Variants in GPC6 observed in about 807,000 individuals in gnomAD.
GPC6 encodes glypican-6.
Under a neutral mutation model 55.2 loss-of-function variants are expected in GPC6, and 14 were observed. The observed-to-expected ratio is 0.25, with a 90% CI of 0.17 to 0.40. The LOEUF is 0.40. GPC6 is among the 10% of genes least tolerant of loss of function. The pLI is 1.00. For missense variants in GPC6, 641 were observed against 708.5 expected (o/e 0.90, Z 1.08); for synonymous variants, 278 against 259.6 (o/e 1.07, Z -0.68).
intron 1 of GPC6, among the ~76,000 whole-genome samples, chr13:93,440,449 A>G (rs1236587965): frequency 1.3e-5 from 2 of 152,124 alleles, no homozygotes; most frequent in African/African-American, 4.8e-5. Context: ...TTCTTGCAGG[A>G]AAAGCTGAAC....
At chr13:93,441,608 G>A (rs1877806617) in intron 1 of GPC6, among the ~76,000 whole-genome samples, 1 of 152,000 alleles carries the variant, frequency 6.6e-6, no homozygotes, top group Non-Finnish European at 1.5e-5. Context: ...TTGTCAGATG[G>A]GTAGATTGTA....
chr13:93,650,382 G>C (rs1013528012), intron 2 of GPC6, among the ~76,000 whole-genome samples: 2 of 151,924 alleles, frequency 1.3e-5, no homozygotes, highest in Non-Finnish European at 2.9e-5. Context: ...CACAATGCTA[G>C]TCAATTAGGC....
At chr13:94,137,938 A>C (rs1887244051) in intron 4 of GPC6, among the ~76,000 whole-genome samples, 1 of 152,230 alleles carries the variant, frequency 6.6e-6, no homozygotes, top group Admixed American at 6.5e-5. Flanking sequence ...ATAATGATGC[A>C]GTTGGTCCCT....
chr13:94,271,957 T>A (rs144590787), intron 4 of GPC6, among the ~76,000 whole-genome samples: 2 of 152,238 alleles, frequency 1.3e-5, no homozygotes, highest in South Asian at 2.1e-4. Flanking sequence ...TTCATTTTTT[T>A]AAAACAATCC....
chr13:93,435,370 C>A (rs1877532191), intron 1 of GPC6, among the ~76,000 whole-genome samples: 1 of 152,080 alleles, frequency 6.6e-6, no homozygotes, highest in African/African-American at 2.4e-5. Context: ...CCCACCTTAG[C>A]CTCCCAAGGC....
intron 2 of GPC6, among the ~76,000 whole-genome samples, chr13:93,628,486 G>T (rs945846596): frequency 2.0e-5 from 3 of 152,228 alleles, no homozygotes; most frequent in African/African-American, 7.2e-5. Context: ...TTCACTTGTA[G>T]CTGTGTAAGT....
chr13:93,970,808 G>A (rs748358068), intron 3 of GPC6, among the ~76,000 whole-genome samples: 1 of 152,192 alleles, frequency 6.6e-6, no homozygotes, highest in Admixed American at 6.6e-5. Flanking sequence ...TCAAGTTACA[G>A]AGTTTAGCCT....
At chr13:93,669,395 C>T (rs1881270193) in intron 2 of GPC6, among the ~76,000 whole-genome samples, 1 of 152,176 alleles carries the variant, frequency 6.6e-6, no homozygotes, top group Non-Finnish European at 1.5e-5. Context: ...GTAGCAGCTT[C>T]CCTAAGTTCA....
At chr13:94,128,031 G>A (rs1886881847) in intron 4 of GPC6, among the ~76,000 whole-genome samples, 1 of 152,110 alleles carries the variant, frequency 6.6e-6, no homozygotes, top group South Asian at 2.1e-4. Flanking sequence ...CCCCTACAGG[G>A]AATAGTAATC....
intron 3 of GPC6, among the ~76,000 whole-genome samples, chr13:93,833,599 A>G (rs970764495): frequency 7.9e-5 from 12 of 151,810 alleles, no homozygotes; most frequent in African/African-American, 2.4e-4. Flanking sequence ...GTTTCTCTCT[A>G]CATTTATGGT....
At chr13:94,036,995 T>G (rs1883360315) in intron 4 of GPC6, among the ~76,000 whole-genome samples, 1 of 151,994 alleles carries the variant, frequency 6.6e-6, no homozygotes, top group Middle Eastern at 3.2e-3. Context: ...TAGTTGAGTG[T>G]TCCAAACTCT....
At chr13:93,835,156 C>T (rs1887684063) in intron 3 of GPC6, among the ~76,000 whole-genome samples, 1 of 152,180 alleles carries the variant, frequency 6.6e-6, no homozygotes, top group African/African-American at 2.4e-5. Flanking sequence ...GAAGACATGA[C>T]TTTAAAGTGA....
chr13:94,238,669 T>C (rs1351810065), intron 4 of GPC6, among the ~76,000 whole-genome samples: 2 of 152,036 alleles, frequency 1.3e-5, no homozygotes, highest in Non-Finnish European at 2.9e-5. Flanking sequence ...TTAGGGAGCT[T>C]TGGGAATAAG....
chr13:93,618,491 A>G (rs1878818396), intron 2 of GPC6, among the ~76,000 whole-genome samples: 1 of 152,090 alleles, frequency 6.6e-6, no homozygotes, highest in East Asian at 1.9e-4. Context: ...TGCTTTGATA[A>G]AATGTGCAAT....
chr13:93,476,202 A>G (rs1388810594), intron 1 of GPC6, among the ~76,000 whole-genome samples: 17 of 152,178 alleles, frequency 1.1e-4, no homozygotes, highest in Admixed American at 1.0e-3. Flanking sequence ...TGTTGGAAGG[A>G]TGTCCCTCTG....
chr13:93,325,924 T>C (rs184128965), intron 1 of GPC6, among the ~76,000 whole-genome samples: 12 of 152,270 alleles, frequency 7.9e-5, no homozygotes, highest in Non-Finnish European at 1.5e-4. Context: ...TTACCACTTT[T>C]ATTCATTCAA....
intron 4 of GPC6, among the ~76,000 whole-genome samples, chr13:94,140,813 C>T (rs1267696531): frequency 2.0e-5 from 3 of 152,056 alleles, no homozygotes; most frequent in Non-Finnish European, 4.4e-5. Context: ...ATTTTGCTTT[C>T]ATAAATCAGA....
At chr13:94,202,796 C>T (rs78892223) in intron 4 of GPC6, among the ~76,000 whole-genome samples, 1 of 152,124 alleles carries the variant, frequency 6.6e-6, no homozygotes, top group African/African-American at 2.4e-5. Flanking sequence ...ATGGTATTTA[C>T]GAAGGTGAAG....
intron 3 of GPC6, among the ~76,000 whole-genome samples, chr13:93,984,781 A>T (rs1314188327): frequency 3.9e-5 from 6 of 152,216 alleles, no homozygotes; most frequent in Non-Finnish European, 8.8e-5. Flanking sequence ...CATCTGTACA[A>T]ACTAAAGCAA....
Sources: gnomAD v4.1 joint callset for allele counts (sites outside exome capture counted in the v4.1 genomes callset) on GRCh38, gnomAD v4.1.1 for gene constraint, MANE v1.5 for transcripts, NCBI Gene and HGNC (gene_info 2026-07-23, HGNC 2026-07-21) for gene names.